The following AFG2A variants were observed in gnomAD, a reference collection of about 807,000 sequenced individuals.
AFG2A encodes the protein AAA ATPase AFG2A, also known as ATPase family gene 2 protein homolog A.
the AFG2A span, among the ~76,000 whole-genome samples, chr4:123,204,221 A>G: frequency 2.0e-5 from 3 of 152,226 alleles, no homozygotes; most frequent in Admixed American, 6.5e-5. Flanking sequence ...TCCAGGGGTT[A>G]GAATATGAAC....
At chr4:123,043,296 T>A in the AFG2A span, among the ~76,000 whole-genome samples, 1 of 152,192 alleles carries the variant, frequency 6.6e-6, no homozygotes, top group Non-Finnish European at 1.5e-5. Flanking sequence ...CTCTTTCTTA[T>A]CAGTTTTTAG....
chr4:123,265,279 G>A, the AFG2A span, among the ~76,000 whole-genome samples: 2 of 152,020 alleles, frequency 1.3e-5, no homozygotes, highest in East Asian at 1.9e-4. Flanking sequence ...TGGATAAAAA[G>A]CGTTATAGAA....
chr4:123,192,731 A>G, the AFG2A span, among the ~76,000 whole-genome samples: 105 of 152,296 alleles, frequency 6.9e-4, no homozygotes, highest in African/African-American at 2.4e-3. Context: ...CCAGAAGTGT[A>G]TTGAAAAGTC....
At chr4:123,238,179 C>G in the AFG2A span, among the ~76,000 whole-genome samples, 7 of 152,198 alleles carry the variant, frequency 4.6e-5, no homozygotes, top group Admixed American at 4.6e-4. Context: ...CCAGGAAGCT[C>G]AAACTGGGTG....
the AFG2A span, among the ~76,000 whole-genome samples, chr4:123,070,345 C>A: frequency 6.6e-6 from 1 of 151,922 alleles, no homozygotes. Flanking sequence ...TGTGCTAGAT[C>A]CTTTATATGT....
chr4:123,241,123 A>C, the AFG2A span, among the ~76,000 whole-genome samples: 7 of 152,232 alleles, frequency 4.6e-5, no homozygotes, highest in Admixed American at 4.6e-4. Context: ...ACAGGTTCTG[A>C]AATTGAGGCA....
the AFG2A span, among the ~76,000 whole-genome samples, chr4:123,126,803 C>T: frequency 6.6e-6 from 1 of 152,286 alleles, no homozygotes; most frequent in East Asian, 1.9e-4. Context: ...CCTTTATAAA[C>T]TACCCAGTAG....
the AFG2A span, among the ~76,000 whole-genome samples, chr4:123,144,265 T>C: frequency 6.6e-6 from 1 of 152,130 alleles, no homozygotes; most frequent in Non-Finnish European, 1.5e-5. Flanking sequence ...TCTATATATC[T>C]GTTGGCTTCA....
chr4:123,203,169 TA>T, the AFG2A span, among the ~76,000 whole-genome samples: 6 of 97,880 alleles, frequency 6.1e-5, no homozygotes, highest in Non-Finnish European at 1.4e-4. Flanking sequence ...TTTTTTTTTT[TA>T]GAAGGAATCT....
At chr4:123,047,783 G>T in the AFG2A span, among the ~76,000 whole-genome samples, 1 of 151,536 alleles carries the variant, frequency 6.6e-6, no homozygotes, top group East Asian at 1.9e-4. Context: ...GCTTACTTCA[G>T]CCTTGAACTC....
At chr4:123,036,400 G>T in the AFG2A span, among the ~76,000 whole-genome samples, 1 of 152,130 alleles carries the variant, frequency 6.6e-6, no homozygotes, top group Non-Finnish European at 1.5e-5. Context: ...GAAAATACCA[G>T]TGTTGAGTTT....
the AFG2A span, among the ~76,000 whole-genome samples, chr4:123,300,160 TAAG>T: frequency 3.9e-5 from 6 of 152,150 alleles, no homozygotes. Context: ...TAATAATAGT[TAAG>T]AAAGAATGTT....
At chr4:122,923,428 C>A in the AFG2A span, 1 of 1,327,232 alleles carries the variant, frequency 7.5e-7, no homozygotes, top group Non-Finnish European at 1.0e-6. Context: ...GGTCTGAGAG[C>A]GGCACAGAAG....
the AFG2A span, among the ~76,000 whole-genome samples, chr4:123,165,866 A>C: frequency 6.6e-6 from 1 of 152,112 alleles, no homozygotes; most frequent in African/African-American, 2.4e-5. Flanking sequence ...CATTGGGGGG[A>C]AAATCAAATT....
At chr4:122,956,925 T>C in the AFG2A span, among the ~76,000 whole-genome samples, 1 of 152,160 alleles carries the variant, frequency 6.6e-6, no homozygotes, top group African/African-American at 2.4e-5. Flanking sequence ...CAGGGTGGTA[T>C]AGTGTAGAAT....
At chr4:123,264,507 T>G in the AFG2A span, among the ~76,000 whole-genome samples, 1 of 152,184 alleles carries the variant, frequency 6.6e-6, no homozygotes, top group African/African-American at 2.4e-5. Flanking sequence ...ATATAAACTC[T>G]AAGGACAAAA....
chr4:123,004,331 G>A, the AFG2A span, among the ~76,000 whole-genome samples: 2 of 152,222 alleles, frequency 1.3e-5, no homozygotes, highest in Non-Finnish European at 1.5e-5. Context: ...TGCGCCCACT[G>A]TCTGGCACTC....
the AFG2A span, among the ~76,000 whole-genome samples, chr4:123,269,909 C>T: frequency 2.1e-5 from 3 of 143,338 alleles, no homozygotes; most frequent in African/African-American, 4.8e-5. Flanking sequence ...CTCTGCCTCC[C>T]GGGTTCAAGC....
chr4:123,116,213 A>G, the AFG2A span, among the ~76,000 whole-genome samples: 5 of 152,214 alleles, frequency 3.3e-5, no homozygotes, highest in African/African-American at 9.7e-5. Context: ...CAGAAAAGTT[A>G]TAAGTATTTT....
Sources: gnomAD v4.1 joint callset for allele counts (sites outside exome capture counted in the v4.1 genomes callset) on GRCh38, gnomAD v4.1.1 for gene constraint, MANE v1.5 for transcripts, NCBI Gene and HGNC (gene_info 2026-07-23, HGNC 2026-07-21) for gene names.